The following NUP107 variants were observed in gnomAD, a reference collection of about 807,000 sequenced individuals.
NUP107 encodes nuclear pore complex protein Nup107.
Under a neutral mutation model 141.0 loss-of-function variants are expected in NUP107, and 101 were observed. The observed-to-expected ratio is 0.72, with a 90% confidence interval of 0.61 to 0.84. The LOEUF is 0.84. Among genes scored for constraint, NUP107 ranks in the 40% least tolerant of loss-of-function variants. The pLI is 0.00. For missense variants in NUP107, 941 were observed against 1,102.7 expected, an observed-to-expected ratio of 0.85 and a Z score of 2.08; for synonymous variants, 319 against 363.9, an observed-to-expected ratio of 0.88 and a Z score of 1.41.
chr12:68,707,758 A>AT (rs1334574735), intron 8 of NUP107, among the ~76,000 whole-genome samples: 4 of 152,098 alleles, frequency 2.6e-5, no homozygotes, highest in African/African-American at 4.8e-5. Flanking sequence ...GTTGTTCATT[A>AT]TTTTTTTATC....
intron 12 of NUP107, among the ~76,000 whole-genome samples, chr12:68,717,769 C>G (rs535173882): frequency 1.9e-4 from 29 of 152,148 alleles, no homozygotes; most frequent in Non-Finnish European, 3.5e-4. Context: ...TCTTATTTCA[C>G]TTAGCATAAT....
At position 68,725,714 on chromosome 12, in the gene NUP107, A is replaced by C. The variant is rs867316611; in HGVS notation, c.1507-13A>C. 1 of 1,386,702 alleles carries C rather than the reference A, an allele frequency of 7.2e-7. No individual in the cohort carries two copies. The highest frequency in any genetic ancestry group is 1.3e-5 in the South Asian group (1 of 79,716). 85.9% of individuals were successfully genotyped at this position (1,386,702 alleles called of 1,614,324 possible). ...CTAGAAGATTTATGGAAAATTAAAA[A>C]CTTTTTTTTCAGAGAGTTCTGGAAG... On this transcript the variant is annotated splice_polypyrimidine_tract_variant and intron_variant, in intron 17 of 27. Coordinates refer to ENST00000229179, the MANE Select transcript of NUP107 (RefSeq NM_020401.4).
rs1294522552 is a variant in NUP107 at position 68,715,640 on chromosome 12, C to T, written c.983C>T (p.Pro328Leu). Residue 328 changes from proline to leucine, a missense_variant, in exon 12 of 28, where the codon CCC becomes CTC. Pro to Leu is a moderately conservative substitution (Grantham distance 98). Coordinates refer to ENST00000229179, the MANE Select transcript of NUP107 (RefSeq NM_020401.4). ...PLVTELDPDA[P>L]IRQKMPLDDL... is the part of the protein sequence containing the mutation. ...TTCTTCTTACAGGACCCTGATGCTC[C>T]CATAAGACAGAAAATGCCCCTTGAT... The T allele has an allele frequency of 6.2e-7, 1 of 1,609,204 alleles. No individual in the cohort carries two copies. The highest frequency in any genetic ancestry group is 1.7e-5 in the Admixed American group (1 of 59,968).
intron 11 of NUP107, 196 bp downstream of exon 11, chr12:68,714,004 T>C (rs1207170115): frequency 1.9e-6 from 1 of 536,082 alleles, no homozygotes; most frequent in South Asian, 2.6e-5. Flanking sequence ...GAATTGTAAG[T>C]AATAAGTTGT....
intron 24 of NUP107, among the ~76,000 whole-genome samples, chr12:68,733,858 A>G (rs936925140): frequency 6.6e-6 from 1 of 152,194 alleles, no homozygotes; most frequent in African/African-American, 2.4e-5. Context: ...TCTGGAAGTT[A>G]TGTTTTCTTA....
rs1053530373 is a variant in NUP107, at chr12:68,719,274, A to T, written c.1084-67A>T. On this transcript the variant is annotated intron_variant, in intron 12 of 27. Coordinates refer to ENST00000229179, the MANE Select transcript of NUP107 (RefSeq NM_020401.4). ...TCCATAAGTTATCTAAGCTTGTCAT[A>T]TATTGGTTATACTTTACTATAAAGC... 3.7e-6 allele frequency: 4 copies of T among 1,077,816 alleles called. No individual in the cohort carries two copies. The East Asian group carries it at 7.2e-5, about 19-fold the overall frequency. The allele number at this position is 1,077,816 out of a possible 1,614,324, so 66.8% of individuals were successfully genotyped here.
In NUP107 at chr12:68,726,495, G is replaced by A. The variant is rs1565700111; in HGVS notation, c.1577-4G>A. The A allele has an allele frequency of 6.3e-7, 1 of 1,577,440 alleles. No homozygotes were observed. The highest frequency in any genetic ancestry group is 8.7e-7 in the Non-Finnish European group (1 of 1,147,514). ...TGTTGAATCTTCACTTTGATGGCTT[G>A]TAGGTTTGATGGATGAGTTTAGCAA... On this transcript the variant is annotated splice_polypyrimidine_tract_variant and splice_region_variant and intron_variant, in intron 18 of 27. Transcript: ENST00000229179.
chr12:68,741,739 C>T (rs559362093), intron 26 of NUP107, 74 bp from the exon 27 acceptor site: 2 of 1,382,872 alleles, frequency 1.4e-6, no homozygotes, highest in Admixed American at 4.0e-5. Context: ...GGGTTTGATT[C>T]AGTACCTGGC....
intron 27 of NUP107, 27 bp downstream of exon 27, chr12:68,742,007 A>C: frequency 6.6e-7 from 1 of 1,523,144 alleles, no homozygotes; most frequent in Non-Finnish European, 8.9e-7. Flanking sequence ...TGTAGTTTTA[A>C]ATTTTAATGA....
At chr12:68,707,456 C>T (rs1462376836) in intron 8 of NUP107, among the ~76,000 whole-genome samples, 2 of 152,140 alleles carry the variant, frequency 1.3e-5, no homozygotes, top group Non-Finnish European at 2.9e-5. Context: ...ACAAACTTAG[C>T]CGGGCATGGT....
intron 8 of NUP107, chr12:68,707,194 TG>T (rs1294593360): frequency 1.9e-5 from 8 of 423,714 alleles, no homozygotes; most frequent in South Asian, 4.0e-5. Context: ...TGCCCACCCG[TG>T]GGGGGAGTTT....
chr12:68,725,664 G>T, intron 17 of NUP107, 63 bp from the exon 18 acceptor site: 1 of 815,878 alleles, frequency 1.2e-6, no homozygotes. Flanking sequence ...TAGTTTAACA[G>T]TGAATATATA....
At chr12:68,710,651 TAA>T (rs35505754) in intron 10 of NUP107, among the ~76,000 whole-genome samples, 138 of 110,748 alleles carry the variant, frequency 1.2e-3, no homozygotes, top group Admixed American at 1.6e-3. Context: ...CAGGCCGTCT[TAA>T]AAAAAAAAAA....
In NUP107 at chr12:68,726,584, T is replaced by C. The variant is rs761700489; in HGVS notation, c.1662T>C (p.Ile554=). 9 of 1,613,918 alleles carry C rather than the reference T, an allele frequency of 5.6e-6. No individual in the cohort carries two copies. The highest frequency in any genetic ancestry group is 7.6e-6 in the Non-Finnish European group (9 of 1,179,844). ...GHLLRFMTHL[I]LFFRTLGLQT... ...TGCTTCGCTTTATGACTCACCTTAT[T>C]TTGTTTTTCCGTACTCTGGGACTAC... The change falls in exon 19 of 28, where the codon ATT becomes ATC. Residue 554 remains isoleucine, a synonymous_variant. Transcript: ENST00000229179.
chr12:68,706,915 A>G (rs886169952), intron 8 of NUP107: 11 of 722,012 alleles, frequency 1.5e-5, no homozygotes, highest in Admixed American at 1.3e-4. Flanking sequence ...GGGGCCTCAT[A>G]AGCCCTGGCC....
intron 6 of NUP107, among the ~76,000 whole-genome samples, chr12:68,697,680 A>G (rs1433885885): frequency 6.6e-6 from 1 of 152,158 alleles, no homozygotes; most frequent in African/African-American, 2.4e-5. Flanking sequence ...AAAATGAACA[A>G]AAGATGGGAA....
chr12:68,738,450 C>CAAAAA (rs60283225), intron 26 of NUP107, among the ~76,000 whole-genome samples: 1 of 89,612 alleles, frequency 1.1e-5, no homozygotes, highest in Non-Finnish European at 2.2e-5. Flanking sequence ...GACTCCGTCT[C>CAAAAA]AAAAAAAAAA....
intron 8 of NUP107, chr12:68,706,907 G>A: frequency 1.4e-6 from 1 of 730,274 alleles, no homozygotes; most frequent in Non-Finnish European, 2.5e-6. Flanking sequence ...GGCCTATGGG[G>A]GCCTCATAAG....
At chr12:68,692,267 G>A (rs1344962948) in intron 5 of NUP107, 155 bp downstream of exon 5, 5 of 776,004 alleles carry the variant, frequency 6.4e-6, no homozygotes, top group African/African-American at 1.8e-5. Context: ...ATTTTTGTGT[G>A]TGTGTTTTTT....
Sources: allele counts gnomAD v4.1 joint callset (sites outside exome capture counted in the v4.1 genomes callset), GRCh38; gene constraint gnomAD v4.1.1; transcripts MANE v1.5; gene names NCBI Gene and HGNC (gene_info 2026-07-23, HGNC 2026-07-21).